CNTNAP5: variants seen among roughly 807,000 people sequenced by gnomAD.
CNTNAP5 encodes the protein contactin associated protein family member 5.
In CNTNAP5, 72 loss-of-function variants were observed where a neutral mutation model predicts 150.2. The observed-to-expected ratio is 0.48, with a 90% CI of 0.40 to 0.58. The LOEUF (loss-of-function observed/expected upper bound fraction) is 0.58, where lower values mean the gene tolerates loss of function less well. Among genes scored for constraint, CNTNAP5 ranks in the 20% least tolerant of loss-of-function variants. CNTNAP5 has a pLI of 0.00. For synonymous variants in CNTNAP5, 672 were observed against 619.8 expected (o/e 1.08, Z -1.25); for missense variants, 1,636 against 1,626.2 (o/e 1.01, Z -0.10).
At chr2:124,474,975 T>G in intron 7 of CNTNAP5, 93 bp downstream of exon 7, 1 of 1,070,070 alleles carries the variant, frequency 9.3e-7, no homozygotes, top group Non-Finnish European at 1.3e-6. Context: ...ATTCGTAATG[T>G]GTTTATCTTA....
chr2:124,495,460 C>T (rs1417853388), intron 7 of CNTNAP5, among the ~76,000 whole-genome samples: 4 of 152,346 alleles, frequency 2.6e-5, no homozygotes, highest in Middle Eastern at 6.8e-3. Context: ...AGGCCAAAGG[C>T]AGCATGTGGC....
intron 21 of CNTNAP5, among the ~76,000 whole-genome samples, chr2:124,891,471 A>G (rs1378656337): frequency 6.6e-6 from 1 of 152,154 alleles, no homozygotes; most frequent in Non-Finnish European, 1.5e-5. Context: ...GATGACGATG[A>G]TGATTACTGT....
At chr2:124,526,527 T>C (rs1384909233) in intron 9 of CNTNAP5, among the ~76,000 whole-genome samples, 1 of 152,200 alleles carries the variant, frequency 6.6e-6, no homozygotes, top group African/African-American at 2.4e-5. Flanking sequence ...GGAGTTCGTA[T>C]GGAGCACAAG....
chr2:124,508,354 T>C (rs560774302), intron 8 of CNTNAP5, among the ~76,000 whole-genome samples: 2 of 152,320 alleles, frequency 1.3e-5, no homozygotes, highest in South Asian at 2.1e-4. Flanking sequence ...TTCCAAATTA[T>C]AAAAATTAAG....
chr2:124,125,368 C>T (rs74777712), intron 1 of CNTNAP5, among the ~76,000 whole-genome samples: 1 of 152,100 alleles, frequency 6.6e-6, no homozygotes, highest in African/African-American at 2.4e-5. Flanking sequence ...GCTAACTATC[C>T]TAAATATATA....
chr2:124,222,131 T>G (rs924140549), intron 2 of CNTNAP5, among the ~76,000 whole-genome samples: 1 of 152,244 alleles, frequency 6.6e-6, no homozygotes, highest in Admixed American at 6.6e-5. Flanking sequence ...TAAAACATGT[T>G]TTATAATAAA....
chr2:124,772,318 G>A (rs760222517), intron 16 of CNTNAP5, among the ~76,000 whole-genome samples: 3 of 152,188 alleles, frequency 2.0e-5, no homozygotes, highest in Non-Finnish European at 1.5e-5. Flanking sequence ...TGGACAAGGC[G>A]ATACAACTTT....
At chr2:124,385,069 C>A (rs1690895521) in intron 3 of CNTNAP5, among the ~76,000 whole-genome samples, 1 of 152,104 alleles carries the variant, frequency 6.6e-6, no homozygotes, top group Non-Finnish European at 1.5e-5. Context: ...GGCACCCAAC[C>A]CTTGAGCAAG....
intron 2 of CNTNAP5, among the ~76,000 whole-genome samples, chr2:124,232,983 A>T (rs557681431): frequency 6.6e-6 from 1 of 151,374 alleles, no homozygotes; most frequent in South Asian, 2.1e-4. Context: ...AAGATCCTTT[A>T]CCCTATAATA....
At chr2:124,523,821 T>C (rs1312144237) in intron 8 of CNTNAP5, among the ~76,000 whole-genome samples, 3 of 152,344 alleles carry the variant, frequency 2.0e-5, no homozygotes, top group Middle Eastern at 3.4e-3. Context: ...TGGCACATCA[T>C]TGGAATCTAG....
chr2:124,485,029 C>G (rs11693506), intron 7 of CNTNAP5, among the ~76,000 whole-genome samples: 9 of 151,890 alleles, frequency 5.9e-5, no homozygotes, highest in African/African-American at 2.2e-4. Flanking sequence ...GCCAGTTGGG[C>G]GGGCTTCTTA....
intron 3 of CNTNAP5, among the ~76,000 whole-genome samples, chr2:124,340,911 C>CATATAT (rs145485840): frequency 6.9e-6 from 1 of 145,656 alleles, no homozygotes; most frequent in Non-Finnish European, 1.5e-5. Flanking sequence ...GACACACACA[C>CATATAT]ATATATATAT....
At chr2:124,871,650 G>C (rs933546667) in intron 21 of CNTNAP5, among the ~76,000 whole-genome samples, 1 of 152,122 alleles carries the variant, frequency 6.6e-6, no homozygotes, top group Admixed American at 6.6e-5. Context: ...TTGCTACCAA[G>C]AAGTCCGCTG....
chr2:124,569,776 C>T (rs1403570903), intron 11 of CNTNAP5, among the ~76,000 whole-genome samples: 1 of 152,170 alleles, frequency 6.6e-6, no homozygotes, highest in Admixed American at 6.5e-5. Context: ...TGATGTAGTG[C>T]TTCTTCTATG....
intron 21 of CNTNAP5, among the ~76,000 whole-genome samples, chr2:124,872,981 A>T (rs569692094): frequency 1.3e-5 from 2 of 152,226 alleles, no homozygotes; most frequent in South Asian, 2.1e-4. Context: ...AACTGTTAAG[A>T]TTGAGGAGGA....
chr2:124,253,221 T>C (rs1265588597), intron 3 of CNTNAP5, among the ~76,000 whole-genome samples: 1 of 151,976 alleles, frequency 6.6e-6, no homozygotes, highest in Non-Finnish European at 1.5e-5. Context: ...GGACTCATTG[T>C]ACATTGTTTT....
intron 2 of CNTNAP5, among the ~76,000 whole-genome samples, chr2:124,231,729 T>C (rs893250976): frequency 1.3e-5 from 2 of 152,158 alleles, no homozygotes; most frequent in Non-Finnish European, 2.9e-5. Context: ...CCTCTTCTTT[T>C]ACTAGGACAG....
intron 3 of CNTNAP5, among the ~76,000 whole-genome samples, chr2:124,408,796 C>A (rs999610056): frequency 1.1e-4 from 16 of 152,142 alleles, no homozygotes; most frequent in Admixed American, 5.2e-4. Context: ...AAAAACAGAA[C>A]AGAAAATCTG....
rs549485394 is a variant in CNTNAP5, at chr2:124,358,515, G to A, written c.382-58928G>A. 3.3e-5 allele frequency among the ~76,000 whole-genome samples: 5 copies of A among 152,204 alleles called. No individual in the cohort carries two copies. The South Asian group carries it at 8.3e-4, about 25-fold the overall frequency. Reference sequence around the variant, plus strand: ...TTTATTGAGAGTTTTTAGCATGAAGGGTTGTTGAATTTTGTCAAAGGCTTT... The same window carrying A: ...TTTATTGAGAGTTTTTAGCATGAAGAGTTGTTGAATTTTGTCAAAGGCTTT... On this transcript the variant is annotated intron_variant, in intron 3 of 23. Transcript: ENST00000682447.
Sources: allele counts gnomAD v4.1 joint callset (sites outside exome capture counted in the v4.1 genomes callset), GRCh38; gene constraint gnomAD v4.1.1; transcripts MANE v1.5; gene names NCBI Gene and HGNC (gene_info 2026-07-23, HGNC 2026-07-21).